The following ADAMTS3 variants were observed in gnomAD, a reference collection of about 807,000 sequenced individuals.
ADAMTS3 encodes the protein ADAM metallopeptidase with thrombospondin type 1 motif 3.
ADAMTS3 carries 73 observed loss-of-function variants against 129.0 expected under a neutral mutation model. The ratio of observed to expected loss-of-function variants is 0.57; its 90% CI spans 0.47 to 0.69. ADAMTS3 has a LOEUF of 0.69. ADAMTS3 is among the 30% of genes least tolerant of loss of function. The pLI, the probability that ADAMTS3 is intolerant of heterozygous loss-of-function variation, is 0.00. For missense variants in ADAMTS3, 1,457 were observed against 1,514.5 expected, an observed-to-expected ratio of 0.96 and a Z score of 0.63; for synonymous variants, 477 against 510.8, an observed-to-expected ratio of 0.93 and a Z score of 0.89.
chr4:72,303,835 G>A, intron 17 of ADAMTS3, 82 bp downstream of exon 17: 6 of 1,419,138 alleles, frequency 4.2e-6, no homozygotes, highest in Non-Finnish European at 5.9e-6. Flanking sequence ...TACACTTAAT[G>A]TTCAAGGTAA....
intron 3 of ADAMTS3, among the ~76,000 whole-genome samples, chr4:72,466,772 T>A (rs936803205): frequency 6.6e-5 from 10 of 152,124 alleles, no homozygotes; most frequent in African/African-American, 2.4e-4. Flanking sequence ...TTTATACTCA[T>A]CGCTTCAACT....
intron 4 of ADAMTS3, among the ~76,000 whole-genome samples, chr4:72,370,444 T>C (rs1720977062): frequency 6.6e-6 from 1 of 152,244 alleles, no homozygotes; most frequent in South Asian, 2.1e-4. Context: ...CATTTGCTTA[T>C]TATATCTGCG....
In ADAMTS3 at chr4:72,290,476, T is replaced by C. The variant is rs562104138; in HGVS notation, c.2931+379A>G. Among the ~76,000 whole-genome samples, 8 of 152,268 alleles carry C rather than the reference T, an allele frequency of 5.3e-5. No individual in the cohort carries two copies. In the East Asian group the frequency reaches 1.4e-3, roughly 26 times the overall value. On this transcript the variant is annotated intron_variant, in intron 20 of 21. Transcript: ENST00000286657. ...GGTCTGTTTGGAACAGTGTGAAGTTTACTCGAACTGGGACAAAGAGTTGGA... is the reference window on the plus strand; with the variant it reads ...GGTCTGTTTGGAACAGTGTGAAGTTCACTCGAACTGGGACAAAGAGTTGGA...
chr4:72,370,622 C>A (rs1051725613), intron 4 of ADAMTS3, among the ~76,000 whole-genome samples: 1 of 152,040 alleles, frequency 6.6e-6, no homozygotes, highest in Non-Finnish European at 1.5e-5. Flanking sequence ...TGGTGGCGCA[C>A]ACCTGTAGTC....
chr4:72,400,112 T>C (rs189058632), intron 4 of ADAMTS3, among the ~76,000 whole-genome samples: 3,574 of 39,032 alleles, frequency 0.092, 396 homozygotes, highest in Middle Eastern at 0.13. Flanking sequence ...TATGCACACA[T>C]GGTGTGTATA....
At chr4:72,472,414 T>C (rs1259207249) in intron 3 of ADAMTS3, among the ~76,000 whole-genome samples, 1 of 152,194 alleles carries the variant, frequency 6.6e-6, no homozygotes, top group Non-Finnish European at 1.5e-5. Context: ...TTATACAGTA[T>C]ATTAAAGACA....
At chr4:72,472,824 G>A (rs1160154499) in intron 3 of ADAMTS3, among the ~76,000 whole-genome samples, 1 of 152,078 alleles carries the variant, frequency 6.6e-6, no homozygotes, top group Non-Finnish European at 1.5e-5. Flanking sequence ...AATGGCTTAA[G>A]CACTGCACGA....
intron 3 of ADAMTS3, among the ~76,000 whole-genome samples, chr4:72,499,730 T>A (rs1302151301): frequency 6.6e-6 from 1 of 152,150 alleles, no homozygotes; most frequent in Non-Finnish European, 1.5e-5. Context: ...GTCACCCAGA[T>A]ACTGAGCACA....
chr4:72,477,226 A>G (rs1263355066), intron 3 of ADAMTS3, among the ~76,000 whole-genome samples: 3 of 152,140 alleles, frequency 2.0e-5, no homozygotes, highest in Non-Finnish European at 4.4e-5. Context: ...ACCCCAAATC[A>G]ACAGAATATG....
chr4:72,358,846 A>T (rs374927844), intron 4 of ADAMTS3, among the ~76,000 whole-genome samples: 4 of 151,912 alleles, frequency 2.6e-5, no homozygotes, highest in African/African-American at 9.7e-5. Flanking sequence ...TATAATATAA[A>T]CTCAGGGTCA....
intron 3 of ADAMTS3, among the ~76,000 whole-genome samples, chr4:72,528,252 C>T (rs576459021): frequency 1.3e-5 from 2 of 150,656 alleles, no homozygotes; most frequent in East Asian, 3.9e-4. Context: ...GTATTGGTTT[C>T]TGTTGCTTAG....
intron 15 of ADAMTS3, among the ~76,000 whole-genome samples, chr4:72,308,354 G>T (rs994075081): frequency 2.0e-5 from 3 of 151,672 alleles, no homozygotes; most frequent in Non-Finnish European, 4.4e-5. Context: ...AGGTATCAGG[G>T]GTATAATGGG....
chr4:72,318,739 T>G (rs1396145286), intron 9 of ADAMTS3, 35 bp from the exon 10 acceptor site: 1 of 1,594,168 alleles, frequency 6.3e-7, no homozygotes, highest in Non-Finnish European at 8.6e-7. Context: ...TAGTTAAATG[T>G]TCACTTAAAA....
In ADAMTS3 at chr4:72,282,995, C is replaced by G; in HGVS notation, c.*141G>C. ...GGATGAAAGCAACTAGAAAGTGAGC[C>G]AGCACTTTCTGTTCTTCCAATTACA... is the stretch of plus-strand genomic sequence containing the variant. On this transcript the variant is annotated 3_prime_UTR_variant, in exon 22 of 22. Coordinates refer to ENST00000286657, the MANE Select transcript of ADAMTS3 (RefSeq NM_014243.3). 1 of 681,898 alleles carries G rather than the reference C, an allele frequency of 1.5e-6. No individual in the cohort carries two copies. Among genetic ancestry groups the G allele is most frequent in the Non-Finnish European group, 2.4e-6 (1 of 416,756 alleles). 42.2% of individuals were successfully genotyped at this position (681,898 alleles called of 1,614,324 possible). A position where few individuals can be genotyped will look rare whatever the true frequency, so the allele number is the denominator to read the frequency against.
At chr4:72,285,773 A>C (rs921150826) in intron 21 of ADAMTS3, among the ~76,000 whole-genome samples, 2 of 148,400 alleles carry the variant, frequency 1.3e-5, no homozygotes, top group Non-Finnish European at 3.0e-5. Flanking sequence ...TACAGGCAAA[A>C]AAAAAAAAAA....
rs529752147 is a variant in ADAMTS3, at chr4:72,477,011, G to A, written c.505-62040C>T. Among the ~76,000 whole-genome samples the A allele has an allele frequency of 8.3e-4, 127 of 152,184 alleles. 1 individual carries two copies. In the Middle Eastern group the frequency reaches 0.01, roughly 12 times the overall value. On this transcript the variant is annotated intron_variant, in intron 3 of 21. Transcript: ENST00000286657. ...GTAATAAAAAATGCTCAGAAAAATA[G>A]GAGTAGAAGGGAACTTCCTCAACTT...
chr4:72,480,932 G>T (rs892903918), intron 3 of ADAMTS3, among the ~76,000 whole-genome samples: 1 of 151,822 alleles, frequency 6.6e-6, no homozygotes, highest in Admixed American at 6.6e-5. Context: ...TATATGGGAA[G>T]AATTTAAAAT....
chr4:72,432,497 C>A (rs1249115339), intron 3 of ADAMTS3, among the ~76,000 whole-genome samples: 1 of 151,944 alleles, frequency 6.6e-6, no homozygotes, highest in African/African-American at 2.4e-5. Context: ...TTCCTTATCA[C>A]CGCCCACACT....
intron 8 of ADAMTS3, 113 bp downstream of exon 8, chr4:72,319,745 A>G (rs1719503065): frequency 1.1e-6 from 1 of 950,980 alleles, no homozygotes; most frequent in Non-Finnish European, 1.6e-6. Flanking sequence ...CACACTTGGC[A>G]AAAGACAAGA....
Sources: allele counts gnomAD v4.1 joint callset (sites outside exome capture counted in the v4.1 genomes callset), GRCh38; gene constraint gnomAD v4.1.1; transcripts MANE v1.5; gene names NCBI Gene and HGNC (gene_info 2026-07-23, HGNC 2026-07-21).